CYP4F3: variants seen among roughly 807,000 people sequenced by gnomAD.
CYP4F3 encodes cytochrome P450 family 4 subfamily F member 3.
A neutral mutation model predicts 54.8 loss-of-function variants in CYP4F3; 50 were observed. The ratio of observed to expected loss-of-function variants is 0.91; its 90% CI spans 0.73 to 1.16. The LOEUF (loss-of-function observed/expected upper bound fraction) is 1.16. CYP4F3 is among the 50% of genes most tolerant of loss of function. The pLI is 0.00. For missense variants in CYP4F3, 715 were observed against 676.2 expected (o/e 1.06, Z -0.64); for synonymous variants, 244 against 262.6 (o/e 0.93, Z 0.69).
intron 7 of CYP4F3, 82 bp downstream of exon 7, chr19:15,650,265 C>G (rs776732984): frequency 1.2e-6 from 2 of 1,612,030 alleles, no homozygotes; most frequent in Non-Finnish European, 1.7e-6. Context: ...GAACTTGACC[C>G]AGAGGGCACT....
intron 2 of CYP4F3, among the ~76,000 whole-genome samples, chr19:15,642,534 T>G (rs987453916): frequency 6.6e-6 from 1 of 152,198 alleles, no homozygotes; most frequent in African/African-American, 2.4e-5. Context: ...GAGTCCACAC[T>G]GCTCCCCACA....
In CYP4F3 at chr19:15,641,633, G is replaced by C. The variant is rs778656330; in HGVS notation, c.198+20G>C. The C allele has an allele frequency of 2.5e-6, 4 of 1,612,774 alleles. No homozygotes were observed. The highest frequency in any genetic ancestry group is 1.6e-4 in the Middle Eastern group (1 of 6,062). ...GGCCTGGTGAGTGTGGCAGCAGGAC[G>C]GGTCTGGGGTCTCAGGGTGGATGGA... On this transcript the variant is annotated intron_variant, in intron 2 of 12. Transcript: ENST00000221307.
intron 7 of CYP4F3, among the ~76,000 whole-genome samples, chr19:15,651,140 C>T (rs1350262445): frequency 6.7e-6 from 1 of 150,110 alleles, no homozygotes; most frequent in African/African-American, 2.4e-5. Context: ...TCCCAAAGTA[C>T]TGGGATTACA....
intron 8 of CYP4F3, 28 bp from the exon 9 acceptor site, chr19:15,652,795 G>C: frequency 6.2e-7 from 1 of 1,605,148 alleles, no homozygotes; most frequent in Admixed American, 1.7e-5. Flanking sequence ...GCAGCCCAGA[G>C]ACCCAAGCCT....
intron 7 of CYP4F3, 113 bp downstream of exon 7, chr19:15,650,296 T>G: frequency 6.3e-7 from 1 of 1,599,174 alleles, no homozygotes; most frequent in Non-Finnish European, 8.5e-7. Flanking sequence ...GGAAGGTGAT[T>G]GAGGAAGGGA....
intron 8 of CYP4F3, 79 bp downstream of exon 8, chr19:15,652,714 T>C: frequency 6.2e-7 from 1 of 1,610,188 alleles, no homozygotes; most frequent in Non-Finnish European, 8.5e-7. Context: ...CCCCTCGCAC[T>C]TCCCATCCCC....
chr19:15,649,990 A>G lies in CYP4F3; in HGVS notation c.725A>G (p.Tyr242Cys). Residue 242 changes from tyrosine to cysteine, a missense_variant, in exon 7 of 13, where the codon TAC (tyrosine) becomes TGC (cysteine). Physicochemically the swap from Tyr to Cys is radical, Grantham distance 194. Transcript: ENST00000221307. Reference protein sequence around the residue: ...VTKRHQQILLYIDFLYYLTPD... With the variant: ...VTKRHQQILLCIDFLYYLTPD... ...AAAAGACACCAGCAGATCCTCCTGT[A>G]CATAGACTTCCTGTATTATCTCACC... is the stretch of plus-strand genomic sequence containing the variant. The G allele has an allele frequency of 6.2e-7, 1 of 1,614,152 alleles. No individual in the cohort carries two copies. The highest frequency in any genetic ancestry group is 8.5e-7 in the Non-Finnish European group (1 of 1,180,002).
intron 2 of CYP4F3, chr19:15,644,113 A>AT (rs1331659093): frequency 8.9e-6 from 13 of 1,460,330 alleles, no homozygotes; most frequent in Non-Finnish European, 1.2e-5. Flanking sequence ...AAGTCCCTCT[A>AT]TCCCCAAGCC....
chr19:15,641,995 T>C (rs528933730), intron 2 of CYP4F3, among the ~76,000 whole-genome samples: 20 of 152,070 alleles, frequency 1.3e-4, no homozygotes, highest in Non-Finnish European at 2.8e-4. Flanking sequence ...GCCTATTTCC[T>C]CTTATGAGGG....
rs867276967 is a variant in CYP4F3 at position 15,641,616 on chromosome 19, G to A, written c.198+3G>A. 1 of 1,609,168 alleles carries A rather than the reference G, an allele frequency of 6.2e-7. No homozygotes were observed. Among genetic ancestry groups the A allele is most frequent in the Non-Finnish European group, 8.5e-7 (1 of 1,177,206 alleles). On this transcript the variant is annotated splice_donor_region_variant and intron_variant, in intron 2 of 12. Transcript: ENST00000221307. ...GGTTCTTGGGTCACCTGGGCCTGGT[G>A]AGTGTGGCAGCAGGACGGGTCTGGG...
intron 7 of CYP4F3, 35 bp from the exon 8 acceptor site, chr19:15,652,534 G>C: frequency 1.9e-6 from 3 of 1,612,740 alleles, no homozygotes; most frequent in East Asian, 4.5e-5. Flanking sequence ...ACTTTTTATG[G>C]GGGTGGGGGT....
At position 15,661,415 on chromosome 19, in the gene CYP4F3, C is replaced by T. The variant is rs1025302458; in HGVS notation, c.*2030C>T. 3 of 152,154 alleles carry T rather than the reference C, an allele frequency of 2.0e-5. No homozygotes were observed. Among genetic ancestry groups the T allele is most frequent in the African/African-American group, 4.8e-5 (2 of 41,424 alleles). 9.4% of individuals were successfully genotyped at this position (152,154 alleles called of 1,614,324 possible). ...TAGGTCCTCCAAATAATTAGCAGTC[C>T]TTCGTAGTGTCAGTTTTTGTTTCAG... On this transcript the variant is annotated 3_prime_UTR_variant, in exon 13 of 13. Coordinates refer to ENST00000221307, the MANE Select transcript of CYP4F3 (RefSeq NM_000896.3).
chr19:15,646,613 A>G (rs1972632723), intron 3 of CYP4F3, among the ~76,000 whole-genome samples: 1 of 152,152 alleles, frequency 6.6e-6, no homozygotes, highest in African/African-American at 2.4e-5. Context: ...TGGCCATGTC[A>G]GGACTTGTGA....
chr19:15,643,345 C>G (rs1241202340), intron 2 of CYP4F3, among the ~76,000 whole-genome samples: 5 of 148,752 alleles, frequency 3.4e-5, no homozygotes, highest in African/African-American at 5.0e-5. Context: ...CAGATAGATA[C>G]ATACATACAT....
In CYP4F3 at chr19:15,649,202, G is replaced by A. The variant is rs1972713364; in HGVS notation, c.568G>A (p.Asp190Asn). The A allele has an allele frequency of 1.9e-6, 3 of 1,613,388 alleles. No homozygotes were observed. The highest frequency in any genetic ancestry group is 2.7e-5 in the African/African-American group (2 of 74,886). Residue 190 changes from aspartate to asparagine, a missense_variant, in exon 6 of 13, where the codon GAC (aspartate) becomes AAC (asparagine). Asp to Asn is a conservative substitution (Grantham distance 23). Transcript: ENST00000221307. ...LLASEGSARLDMFEHISLMTL... is the reference protein window; with the variant it reads ...LLASEGSARLNMFEHISLMTL... ...GGCCTCAGAGGGTAGTGCCCGTCTG[G>A]ACATGTTTGAGCACATCAGCCTCAT...
chr19:15,658,167 G>T (rs1298475094), intron 9 of CYP4F3, 97 bp from the exon 10 acceptor site: 2 of 1,561,146 alleles, frequency 1.3e-6, no homozygotes, highest in Non-Finnish European at 1.7e-6. Context: ...AGTTTATTTC[G>T]TTACAGGGAG....
intron 9 of CYP4F3, among the ~76,000 whole-genome samples, chr19:15,653,873 G>C (rs1048024681): frequency 1.3e-5 from 2 of 152,168 alleles, no homozygotes; most frequent in African/African-American, 4.8e-5. Context: ...TGGTAGCAGG[G>C]GCTGGCTGTG....
intron 6 of CYP4F3, 77 bp from the exon 7 acceptor site, chr19:15,649,836 C>T (rs1972734127): frequency 1.3e-6 from 2 of 1,572,432 alleles, no homozygotes; most frequent in African/African-American, 2.7e-5. Flanking sequence ...GAGGTAGCTC[C>T]TAGCTGCTGG....
intron 5 of CYP4F3, 112 bp from the exon 6 acceptor site, chr19:15,649,048 T>C: frequency 6.7e-7 from 1 of 1,501,648 alleles, no homozygotes; most frequent in South Asian, 1.3e-5. Context: ...AAAGGGTCCC[T>C]GGGGAGAAGA....
Sources: allele counts gnomAD v4.1 joint callset (sites outside exome capture counted in the v4.1 genomes callset), GRCh38; gene constraint gnomAD v4.1.1; transcripts MANE v1.5; gene names NCBI Gene and HGNC (gene_info 2026-07-23, HGNC 2026-07-21).